The following PIK3C2G variants were observed in gnomAD, a reference collection of about 807,000 sequenced individuals.
PIK3C2G encodes phosphatidylinositol-4-phosphate 3-kinase catalytic subunit type 2 gamma, also known as phosphatidylinositol 3-kinase C2 domain-containing subunit gamma.
A neutral mutation model predicts 181.1 loss-of-function variants in PIK3C2G; 168 were observed. The observed-to-expected ratio is 0.93, with a 90% CI of 0.82 to 1.05. The LOEUF is 1.05. Among genes scored for constraint, PIK3C2G ranks in the 50% least tolerant of loss-of-function variants. The probability of loss-of-function intolerance (pLI) is 0.00; values close to 1 mark genes in which losing one functional copy is unlikely to be tolerated. For synonymous variants in PIK3C2G, 573 were observed against 592.2 expected, an observed-to-expected ratio of 0.97 and a Z score of 0.47; for missense variants, 1,869 against 1,732.8, an observed-to-expected ratio of 1.08 and a Z score of -1.40.
chr12:18,410,741 A>G (rs1043559252), intron 16 of PIK3C2G, among the ~76,000 whole-genome samples: 2 of 152,072 alleles, frequency 1.3e-5, no homozygotes, highest in African/African-American at 4.8e-5. Context: ...TTAAACTCAA[A>G]ATTTCTATCC....
intron 24 of PIK3C2G, among the ~76,000 whole-genome samples, chr12:18,521,233 T>C (rs994451601): frequency 6.6e-6 from 1 of 152,174 alleles, no homozygotes; most frequent in Non-Finnish European, 1.5e-5. Flanking sequence ...TTGGGTGGCA[T>C]GGGGAGCAGG....
chr12:18,303,279 TCTC>T (rs946715814), intron 5 of PIK3C2G, among the ~76,000 whole-genome samples: 11 of 147,720 alleles, frequency 7.4e-5, no homozygotes, highest in African/African-American at 2.3e-4. Context: ...TCCCTCCCTC[TCTC>T]CTTTCTTTCT....
intron 5 of PIK3C2G, among the ~76,000 whole-genome samples, chr12:18,298,406 TTC>T (rs1036714069): frequency 4.2e-5 from 5 of 118,304 alleles, no homozygotes; most frequent in African/African-American, 1.4e-4. Flanking sequence ...TGTGTGTTTT[TTC>T]TTTTTTTTTT....
the PIK3C2G span, among the ~76,000 whole-genome samples, chr12:18,703,429 C>A: frequency 6.6e-6 from 1 of 152,138 alleles, no homozygotes; most frequent in Non-Finnish European, 1.5e-5. Context: ...AAGTTCAGCC[C>A]TGGAAACTTA....
intron 20 of PIK3C2G, among the ~76,000 whole-genome samples, chr12:18,494,446 C>T (rs1940839018): frequency 6.6e-6 from 1 of 151,630 alleles, no homozygotes. Flanking sequence ...ATTTAATAGG[C>T]TTTGTGAGGG....
intron 18 of PIK3C2G, among the ~76,000 whole-genome samples, chr12:18,448,780 T>C (rs974670616): frequency 2.0e-5 from 3 of 151,790 alleles, no homozygotes; most frequent in Admixed American, 2.0e-4. Context: ...ATTGAAAACA[T>C]CTTATATTGA....
intron 11 of PIK3C2G, among the ~76,000 whole-genome samples, chr12:18,349,393 AT>A (rs1346130024): frequency 2.6e-5 from 4 of 152,150 alleles, no homozygotes; most frequent in Admixed American, 2.6e-4. Flanking sequence ...AGTGAAACTA[AT>A]TTGTTAAGGT....
intron 6 of PIK3C2G, among the ~76,000 whole-genome samples, chr12:18,315,838 T>C (rs896339724): frequency 2.0e-5 from 3 of 151,854 alleles, no homozygotes; most frequent in Non-Finnish European, 4.4e-5. Flanking sequence ...TTCTCAAAGG[T>C]TTTGGATGTG....
At chr12:18,483,704 G>A (rs1405665573) in intron 18 of PIK3C2G, among the ~76,000 whole-genome samples, 1 of 151,514 alleles carries the variant, frequency 6.6e-6, no homozygotes, top group African/African-American at 2.4e-5. Context: ...TTAAAAAAAT[G>A]TGCTTTCCAT....
intron 13 of PIK3C2G, 141 bp downstream of exon 13, chr12:18,371,452 GC>G: frequency 1.5e-6 from 1 of 665,778 alleles, no homozygotes; most frequent in Non-Finnish European, 2.3e-6. Flanking sequence ...AATCGTGACT[GC>G]TGAAATCAGA....
At chr12:18,694,851 G>A in the PIK3C2G span, 2 of 1,296,400 alleles carry the variant, frequency 1.5e-6, no homozygotes, top group Non-Finnish European at 2.1e-6. Context: ...AAATACTAAT[G>A]TACACTATCT....
chr12:18,488,704 G>T, intron 19 of PIK3C2G, 75 bp downstream of exon 19: 2 of 950,410 alleles, frequency 2.1e-6, no homozygotes, highest in African/African-American at 1.7e-5. Flanking sequence ...TTCATTGTTT[G>T]CAAAGCAAAT....
chr12:18,293,286 T>A (rs1177076848), intron 4 of PIK3C2G, among the ~76,000 whole-genome samples: 3 of 152,160 alleles, frequency 2.0e-5, no homozygotes, highest in Admixed American at 6.6e-5. Flanking sequence ...CGAAATAACT[T>A]GTTTACATAA....
chr12:18,503,328 C>A lies in PIK3C2G; in HGVS notation c.3064C>A (p.Arg1022Ser). The change falls in exon 23 of 33, where the codon CGC becomes AGC. Residue 1022 changes from arginine to serine, a missense_variant. Physicochemically the swap from Arg to Ser is moderately radical, Grantham distance 110 (BLOSUM62 -1). Transcript: ENST00000538779. ...TGCTGTGACCCTAGCAAAGATTCAT[C>A]GCCATTCTGGACTGATAGGACCATT... Reference protein sequence around the residue: ...PDAVTLAKIHRHSGLIGPLKE... With the variant: ...PDAVTLAKIHSHSGLIGPLKE... The A allele has an allele frequency of 6.2e-7, 1 of 1,611,284 alleles. No homozygotes were observed. Among genetic ancestry groups the A allele is most frequent in the Non-Finnish European group, 8.5e-7 (1 of 1,178,066 alleles).
At chr12:18,253,851 A>T (rs1027628476) in intron 1 of PIK3C2G, among the ~76,000 whole-genome samples, 8 of 145,792 alleles carry the variant, frequency 5.5e-5, no homozygotes, top group South Asian at 2.2e-4. Context: ...GGCTTCAATT[A>T]TTTTTTTTTT....
upstream of PIK3C2G, among the ~76,000 whole-genome samples, chr12:18,257,767 A>T (rs199737733): frequency 0.057 from 8,507 of 148,124 alleles, 816 homozygotes; most frequent in East Asian, 0.47. Flanking sequence ...GAGGAAAAAA[A>T]GAAGAAGAAA....
intron 31 of PIK3C2G, among the ~76,000 whole-genome samples, chr12:18,616,057 G>A (rs2136637989): frequency 6.6e-6 from 1 of 152,012 alleles, no homozygotes; most frequent in Non-Finnish European, 1.5e-5. Flanking sequence ...TCTATTTACT[G>A]TTTATATCCA....
chr12:18,316,805 C>G (rs1950882994), intron 6 of PIK3C2G, among the ~76,000 whole-genome samples: 1 of 151,846 alleles, frequency 6.6e-6, no homozygotes, highest in Non-Finnish European at 1.5e-5. Flanking sequence ...GTATATCCTC[C>G]ATTTATGCAA....
rs535039623 is a variant in PIK3C2G, at chr12:18,543,724, T to C, written c.3481-2599T>C. The stretch of plus-strand genomic sequence containing the variant: ...TAATTGTGCGGCCTTATTTCTGGCC[T>C]CTCTATTTTGTTCCATTGGCCTGTG... On this transcript the variant is annotated intron_variant, in intron 25 of 32. Coordinates refer to ENST00000538779, the MANE Select transcript of PIK3C2G (RefSeq NM_001288772.2). Among the ~76,000 whole-genome samples, 4 of 152,006 alleles carry C rather than the reference T, an allele frequency of 2.6e-5. No homozygotes were observed. In the South Asian group the frequency reaches 8.3e-4, roughly 31 times the overall value.
Sources: allele counts gnomAD v4.1 joint callset (sites outside exome capture counted in the v4.1 genomes callset), GRCh38; gene constraint gnomAD v4.1.1; transcripts MANE v1.5; gene names NCBI Gene and HGNC (gene_info 2026-07-23, HGNC 2026-07-21).